The following PSAPL1 variants were observed in gnomAD, a reference collection of about 807,000 sequenced individuals.
PSAPL1 encodes the protein prosaposin like 1, also known as proactivator polypeptide-like 1.
For missense variants in PSAPL1, 814 were observed against 688.8 expected (o/e 1.18, Z -2.03); for synonymous variants, 351 against 291.6 (o/e 1.20, Z -2.08).
At position 7,433,498 on chromosome 4, in the gene PSAPL1, G is replaced by C. The variant is rs754999685; in HGVS notation, c.1382C>G (p.Ala461Gly). Reference sequence around the variant, plus strand: ...GCAGGCCCCCACCTTCTTGCACACAGCCACGGGGTCCATCATGTCCTTGAG... The same window carrying C: ...GCAGGCCCCCACCTTCTTGCACACACCCACGGGGTCCATCATGTCCTTGAG... ...ESLKDMMDPV[A>G]VCKKVGACHG... The change falls in exon 1 of 1, where the codon GCT (alanine) becomes GGT (glycine). Residue 461 changes from alanine to glycine, a missense_variant. Ala to Gly is a moderately conservative substitution (Grantham distance 60). Coordinates refer to ENST00000319098, the MANE Select transcript of PSAPL1 (RefSeq NM_001085382.2). The C allele has an allele frequency of 6.3e-7, 1 of 1,599,492 alleles. No individual in the cohort carries two copies. Among genetic ancestry groups the C allele is most frequent in the African/African-American group, 1.3e-5 (1 of 74,832 alleles).
chr4:7,433,819 AT>A, the PSAPL1 span: 1 of 1,613,714 alleles, frequency 6.2e-7, no homozygotes, highest in Admixed American at 1.7e-5. Context: ...CTCTGGGGTG[AT>A]TTTGGCCACA....
At position 7,434,536 on chromosome 4, in the gene PSAPL1, C is replaced by A; in HGVS notation, c.344G>T (p.Ser115Ile). The A allele has an allele frequency of 6.2e-7, 1 of 1,613,188 alleles. No homozygotes were observed. The highest frequency in any genetic ancestry group is 1.1e-5 in the South Asian group (1 of 91,040). ...AGCKWMVDAHSSAILSMLRGA... is the reference protein window; with the variant it reads ...AGCKWMVDAHISAILSMLRGA... ...ACGGAGCATGCTCAGGATGGCCGAA[C>A]TGTGGGCATCCACCATCCACTTGCA... Residue 115 changes from serine (S) to isoleucine (I), a missense_variant, in exon 1 of 1, where the codon AGT (serine) becomes ATT (isoleucine). Transcript: ENST00000319098.
Position 7,430,691 on chromosome 4 carries a change from T to A in PSAPL1, c.*2623A>T, listed in dbSNP as rs1470006677. On this transcript the variant is annotated 3_prime_UTR_variant, in exon 1 of 1. Transcript: ENST00000319098. ...GGAAATCCATGCTCAACATCTGTCT[T>A]GATTTCCCATCCTTGCTGGGATGGG... is the stretch of plus-strand genomic sequence containing the variant. 1 of 152,254 alleles carries A rather than the reference T, an allele frequency of 6.6e-6. No individual in the cohort carries two copies. The highest frequency in any genetic ancestry group is 1.5e-5 in the Non-Finnish European group (1 of 68,064). The allele number at this position is 152,254 out of a possible 1,614,324, so 9.4% of individuals were successfully genotyped here.
chr4:7,431,253 C>G lies in PSAPL1; in HGVS notation c.*2061G>C, dbSNP rs1215631473. On this transcript the variant is annotated 3_prime_UTR_variant, in exon 1 of 1. Transcript: ENST00000319098. Reference sequence around the variant, plus strand: ...TGTGGGAGCAGCTGGTACCCAGGCCCAAGGGGTGGGTAGGGAAGAGGGTGT... The same window carrying G: ...TGTGGGAGCAGCTGGTACCCAGGCCGAAGGGGTGGGTAGGGAAGAGGGTGT... The G allele has an allele frequency of 6.6e-6, 1 of 152,288 alleles. No homozygotes were observed. Among genetic ancestry groups the G allele is most frequent in the Non-Finnish European group, 1.5e-5 (1 of 68,124 alleles). The allele number at this position is 152,288 out of a possible 1,614,324, so 9.4% of individuals were successfully genotyped here.
In PSAPL1 at chr4:7,433,999, C is replaced by T; in HGVS notation, c.881G>A (p.Cys294Tyr). ...SEMQMKAGVT[C>Y]EVCMNVVQKL... is the part of the protein sequence containing the mutation. ...CTGCACCACGTTCATGCACACCTCA[C>T]AGGTCACACCGGCCTTCATCTGCAT... Residue 294 changes from cysteine (C) to tyrosine (Y), a missense_variant, in exon 1 of 1, where the codon TGT (cysteine) becomes TAT (tyrosine). Transcript: ENST00000319098. 3.1e-6 allele frequency: 5 copies of T among 1,613,208 alleles called. No homozygotes were observed. The highest frequency in any genetic ancestry group is 4.2e-6 in the Non-Finnish European group (5 of 1,179,342).
Position 7,434,425 on chromosome 4 carries a change from G to A in PSAPL1, c.455C>T (p.Pro152Leu), listed in dbSNP as rs986882060. The part of the protein sequence containing the change: ...PLQRHLATLR[P>L]LSKEDTFEAV... Reference sequence around the variant, plus strand: ...CTCAAAGGTGTCCTCTTTGGAGAGTGGCCTCAGGGTGGCCAGGTGCCTCTG... The same window carrying A: ...CTCAAAGGTGTCCTCTTTGGAGAGTAGCCTCAGGGTGGCCAGGTGCCTCTG... Residue 152 changes from proline to leucine, a missense_variant, in exon 1 of 1, where the codon CCA (proline) becomes CTA (leucine). Transcript: ENST00000319098. 2.5e-6 allele frequency: 4 copies of A among 1,608,850 alleles called. No individual in the cohort carries two copies. The highest frequency in any genetic ancestry group is 3.4e-5 in the Admixed American group (2 of 59,358).
In PSAPL1 at chr4:7,433,885, A is replaced by T; in HGVS notation, c.995T>A (p.Ile332Asn). ...ERVCSVMPASITKECIILVDT... is the reference protein window; with the variant it reads ...ERVCSVMPASNTKECIILVDT... ...CACCAAGATGATGCACTCCTTCGTG[A>T]TAGAGGCAGGCATTACCGAGCACAC... Residue 332 changes from isoleucine to asparagine, a missense_variant, in exon 1 of 1, where the codon ATC (isoleucine) becomes AAC (asparagine). Physicochemically the swap from Ile to Asn is moderately radical, Grantham distance 149. Transcript: ENST00000319098. 4 of 1,613,794 alleles carry T rather than the reference A, an allele frequency of 2.5e-6. No homozygotes were observed. In the South Asian group the frequency reaches 3.3e-5, roughly 13 times the overall value.
Position 7,434,156 on chromosome 4 carries a change from G to A in PSAPL1, c.724C>T (p.Leu242Phe), listed in dbSNP as rs1727106781. 2.5e-6 allele frequency: 4 copies of A among 1,613,950 alleles called. No homozygotes were observed. The highest frequency in any genetic ancestry group is 1.6e-4 in the Middle Eastern group (1 of 6,062). The change falls in exon 1 of 1, where the codon CTC becomes TTC. Residue 242 changes from leucine to phenylalanine, a missense_variant. By Grantham distance (22) the Leu-to-Phe change is conservative. Transcript: ENST00000319098. ...TTCCTGCAGAGCTCCTGCGGGGGGA[G>A]AAGCCTCAGTGCTTGGTCAGCAGGG... The part of the protein sequence containing the change: ...FVPADQALRL[L>F]PPQELCRKGG...
In PSAPL1 at chr4:7,434,621, T is replaced by G; in HGVS notation, c.259A>C (p.Ile87Leu). 2 of 1,613,414 alleles carry G rather than the reference T, an allele frequency of 1.2e-6. No individual in the cohort carries two copies. Among genetic ancestry groups the G allele is most frequent in the Middle Eastern group, 1.6e-4 (1 of 6,062 alleles). The change falls in exon 1 of 1, where the codon ATC becomes CTC. Residue 87 changes from isoleucine to leucine, a missense_variant. Transcript: ENST00000319098. ...GLNPDATESD[I>L]LALVMKTCEW... ...CAGGTCTTCATCACCAAAGCCAGGA[T>G]GTCAGACTCCGTGGCGTCAGGGTTC...
rs1422875776 is a variant in PSAPL1 at position 7,431,291 on chromosome 4, C to G, written c.*2023G>C. The G allele has an allele frequency of 6.6e-6, 1 of 152,246 alleles. No individual in the cohort carries two copies. The highest frequency in any genetic ancestry group is 2.4e-5 in the African/African-American group (1 of 41,434). The allele number at this position is 152,246 out of a possible 1,614,324, so 9.4% of individuals were successfully genotyped here. A position where few individuals can be genotyped will look rare whatever the true frequency, so the allele number is the denominator to read the frequency against. ...GGGAAGAGGGTGTGGGGACACCCCA[C>G]CCTGACCACCCACTGCAGGTAGCTC... On this transcript the variant is annotated 3_prime_UTR_variant, in exon 1 of 1. Transcript: ENST00000319098.
Position 7,431,023 on chromosome 4 carries a change from G to C in PSAPL1, c.*2291C>G, listed in dbSNP as rs1726813207. 1 of 152,310 alleles carries C rather than the reference G, an allele frequency of 6.6e-6. No individual in the cohort carries two copies. Among genetic ancestry groups the C allele is most frequent in the South Asian group, 2.1e-4 (1 of 4,838 alleles). The allele number at this position is 152,310 out of a possible 1,614,324, so 9.4% of individuals were successfully genotyped here. ...TGTTCCGGGCTTGGTTCCGGGCACA[G>C]GGGATGGAGGTGACTGAGACCCTGC... On this transcript the variant is annotated 3_prime_UTR_variant, in exon 1 of 1. Transcript: ENST00000319098.
chr4:7,434,148 C>G lies in PSAPL1; in HGVS notation c.732G>C (p.Pro244=). Residue 244 remains proline (P), a synonymous_variant, in exon 1 of 1, where the codon CCG becomes CCC. Transcript: ENST00000319098. ...ATCCCCCCTTCCTGCAGAGCTCCTG[C>G]GGGGGGAGAAGCCTCAGTGCTTGGT... The part of the protein sequence containing the change: ...PADQALRLLP[P]QELCRKGGFC... 6.2e-7 allele frequency: 1 copy of G among 1,613,758 alleles called. No homozygotes were observed. Among genetic ancestry groups the G allele is most frequent in the Non-Finnish European group, 8.5e-7 (1 of 1,179,814 alleles).
rs929565317 is a variant in PSAPL1 at position 7,434,801 on chromosome 4, C to G, written c.79G>C (p.Ala27Pro). 12 of 1,609,392 alleles carry G rather than the reference C, an allele frequency of 7.5e-6. No homozygotes were observed. The highest frequency in any genetic ancestry group is 9.3e-6 in the Non-Finnish European group (11 of 1,178,280). Residue 27 changes from alanine to proline, a missense_variant, in exon 1 of 1, where the codon GCA becomes CCA. Physicochemically the swap from Ala to Pro is conservative, Grantham distance 27 (BLOSUM62 -1). Transcript: ENST00000319098. ...ASPTSGPQEC[A>P]KGSTVWCQDL... ...TGACACCACACCGTGGAGCCCTTTG[C>G]ACACTCCTGGGGGCCTGAGGTGGGG... is the stretch of plus-strand genomic sequence containing the variant.
chr4:7,432,247 G>GGC lies in PSAPL1; in HGVS notation c.*1065_*1066dup, dbSNP rs1399044353. The GGC allele has an allele frequency of 6.6e-6, 1 of 152,132 alleles. No individual in the cohort carries two copies. The highest frequency in any genetic ancestry group is 1.5e-5 in the Non-Finnish European group (1 of 68,038). 9.4% of individuals were successfully genotyped at this position (152,132 alleles called of 1,614,324 possible). On this transcript the variant is annotated 3_prime_UTR_variant, in exon 1 of 1. Transcript: ENST00000319098. ...GCGCCTTCCCTGAGAATAAAAACAC[G>GGC]GCACACGGCATTTGGAGAACGCTTG...
In PSAPL1 at chr4:7,430,969, C is replaced by A. The variant is rs1375657433; in HGVS notation, c.*2345G>T. The A allele has an allele frequency of 3.9e-5, 6 of 152,386 alleles. No individual in the cohort carries two copies. The highest frequency in any genetic ancestry group is 1.4e-4 in the African/African-American group (6 of 41,464). 9.4% of individuals were successfully genotyped at this position (152,386 alleles called of 1,614,324 possible). A position where few individuals can be genotyped will look rare whatever the true frequency, so the allele number is the denominator to read the frequency against. On this transcript the variant is annotated 3_prime_UTR_variant, in exon 1 of 1. Coordinates refer to ENST00000319098, the MANE Select transcript of PSAPL1 (RefSeq NM_001085382.2). ...GCCTTTAGACCCCAAGGCAGCCACT[C>A]CCCACGAGCACTTGCAGAGCACCTC...
In PSAPL1 at chr4:7,433,502, C is replaced by A; in HGVS notation, c.1378G>T (p.Val460Leu). ...GCCCCCACCTTCTTGCACACAGCCACGGGGTCCATCATGTCCTTGAGACTC... is the reference window on the plus strand; with the variant it reads ...GCCCCCACCTTCTTGCACACAGCCAAGGGGTCCATCATGTCCTTGAGACTC... ...IESLKDMMDP[V>L]AVCKKVGACH... The change falls in exon 1 of 1, where the codon GTG becomes TTG. Residue 460 changes from valine to leucine, a missense_variant. Val to Leu is a conservative substitution (Grantham distance 32). Transcript: ENST00000319098. The A allele has an allele frequency of 5.0e-6, 8 of 1,601,794 alleles. No individual in the cohort carries two copies. The highest frequency in any genetic ancestry group is 6.0e-6 in the Non-Finnish European group (7 of 1,174,880).
Position 7,433,419 on chromosome 4 carries a change from G to C in PSAPL1, c.1461C>G (p.Ser487Arg), listed in dbSNP as rs757029999. ...LGTDQCALGP[S>R]FWCRSQEAAK... Reference sequence around the variant, plus strand: ...CGGCCTCCTGGCTCCTGCACCAGAAGCTTGGGCCCAGGGCACACTGGTCGG... The same window carrying C: ...CGGCCTCCTGGCTCCTGCACCAGAACCTTGGGCCCAGGGCACACTGGTCGG... The change falls in exon 1 of 1, where the codon AGC becomes AGG. Residue 487 changes from serine (S) to arginine (R), a missense_variant. Transcript: ENST00000319098. 3.3e-6 allele frequency: 5 copies of C among 1,512,906 alleles called. No individual in the cohort carries two copies. In the South Asian group the frequency reaches 6.7e-5, roughly 20 times the overall value. 93.7% of individuals were successfully genotyped at this position (1,512,906 alleles called of 1,614,324 possible). A position where few individuals can be genotyped will look rare whatever the true frequency, so the allele number is the denominator to read the frequency against.
At position 7,433,782 on chromosome 4, in the gene PSAPL1, A is replaced by G; in HGVS notation, c.1098T>C (p.Cys366=). 6.2e-7 allele frequency: 1 copy of G among 1,613,550 alleles called. No individual in the cohort carries two copies. Among genetic ancestry groups the G allele is most frequent in the Non-Finnish European group, 8.5e-7 (1 of 1,179,786 alleles). ...PEKVCKFIRL[C]GNRRRARAVH... ...CTGCCCGGGCCCGCCTCCGGTTGCC[A>G]CACAGACGGATGAACTTGCACACCT... The change falls in exon 1 of 1, where the codon TGT becomes TGC. Residue 366 remains cysteine, a synonymous_variant. Coordinates refer to ENST00000319098, the MANE Select transcript of PSAPL1 (RefSeq NM_001085382.2).
chr4:7,432,660 G>A lies in PSAPL1; in HGVS notation c.*654C>T, dbSNP rs1410175898. The A allele has an allele frequency of 6.6e-6, 1 of 151,914 alleles. No homozygotes were observed. Among genetic ancestry groups the A allele is most frequent in the African/African-American group, 2.4e-5 (1 of 41,126 alleles). 9.4% of individuals were successfully genotyped at this position (151,914 alleles called of 1,614,324 possible). A position where few individuals can be genotyped will look rare whatever the true frequency, so the allele number is the denominator to read the frequency against. On this transcript the variant is annotated 3_prime_UTR_variant, in exon 1 of 1. Coordinates refer to ENST00000319098, the MANE Select transcript of PSAPL1 (RefSeq NM_001085382.2). ...GGAGGGTCTGGGGTGCAAGGAGAGA[G>A]AGGGACCCTGTAGTGGCTGAGACAT...
Sources: allele counts gnomAD v4.1 joint callset, GRCh38; gene constraint gnomAD v4.1.1; transcripts MANE v1.5; gene names NCBI Gene and HGNC (gene_info 2026-07-23, HGNC 2026-07-21).